The following CUX2 variants were observed in gnomAD, a reference collection of about 807,000 sequenced individuals.
The protein encoded by CUX2 is cut like homeobox 2, also known as homeobox protein cut-like 2.
CUX2 carries 40 observed loss-of-function variants against 144.8 expected under a neutral mutation model. The observed-to-expected ratio is 0.28, with a 90% confidence interval of 0.21 to 0.36. The LOEUF (loss-of-function observed/expected upper bound fraction) is 0.36. Among genes scored for constraint, CUX2 ranks in the 10% least tolerant of loss-of-function variants. The pLI is 1.00. For missense variants in CUX2, 1,615 were observed against 1,994.0 expected (o/e 0.81, Z 3.62); for synonymous variants, 827 against 875.6 (o/e 0.94, Z 0.98).
chr12:111,147,370 C>A (rs1414551157), intron 1 of CUX2, among the ~76,000 whole-genome samples: 2 of 152,150 alleles, frequency 1.3e-5, no homozygotes, highest in Non-Finnish European at 2.9e-5. Flanking sequence ...CAGAGCAATA[C>A]AAAATAACCT....
chr12:111,057,380 G>C lies in CUX2; in HGVS notation c.63+23140G>C, dbSNP rs1027154392. ...ACGGCTATGTGAGTGGAGTGGAGTG[G>C]GTGTGACAGGAAGTGGCCACTGGAG... is the stretch of plus-strand genomic sequence containing the variant. On this transcript the variant is annotated intron_variant, in intron 1 of 21. Transcript: ENST00000261726. This position sits in a 1 kb window ranked among gnomAD's most constrained non-coding sequence, Gnocchi z 5.1. Among the ~76,000 whole-genome samples, 1 of 151,578 alleles carries C rather than the reference G, an allele frequency of 6.6e-6. No individual in the cohort carries two copies. Among genetic ancestry groups the C allele is most frequent in the Non-Finnish European group, 1.5e-5 (1 of 67,858 alleles).
intron 1 of CUX2, among the ~76,000 whole-genome samples, chr12:111,161,632 C>T (rs1269855000): frequency 6.6e-6 from 1 of 152,208 alleles, no homozygotes; most frequent in African/African-American, 2.4e-5. Flanking sequence ...AGTAGTTGCA[C>T]AGCAGTATGG....
Position 111,334,611 on chromosome 12 carries a change from G to A in CUX2, c.3097G>A (p.Ala1033Thr), listed in dbSNP as rs1272200933. ...LSGKMYSGSQ[A>T]PGGIQEIVAM... ...CGGGAAGATGTACTCAGGCAGCCAGGCCCCAGGGGGCATCCAGGAGATCGT... is the reference window on the plus strand; with the variant it reads ...CGGGAAGATGTACTCAGGCAGCCAGACCCCAGGGGGCATCCAGGAGATCGT... The change falls in exon 19 of 22, where the codon GCC (alanine) becomes ACC (threonine). Residue 1033 changes from alanine (A) to threonine (T), a missense_variant. Coordinates refer to ENST00000261726, the MANE Select transcript of CUX2 (RefSeq NM_015267.4). 6.2e-7 allele frequency: 1 copy of A among 1,614,044 alleles called. No homozygotes were observed.
intron 1 of CUX2, among the ~76,000 whole-genome samples, chr12:111,104,570 C>G (rs1418407184): frequency 6.6e-6 from 1 of 152,232 alleles, no homozygotes; most frequent in Non-Finnish European, 1.5e-5. Flanking sequence ...TGATGCAGGG[C>G]AAGTTGCTTT....
chr12:111,067,466 T>C (rs927955581), intron 1 of CUX2, among the ~76,000 whole-genome samples: 2 of 152,334 alleles, frequency 1.3e-5, no homozygotes, highest in African/African-American at 2.4e-5. Context: ...GAGTCCTGAT[T>C]TGAATCATCC....
At chr12:111,056,989 G>T (rs1381828056) in intron 1 of CUX2, among the ~76,000 whole-genome samples, 1 of 151,618 alleles carries the variant, frequency 6.6e-6, no homozygotes, top group South Asian at 2.1e-4. Context: ...GGGACAGAGT[G>T]TAACAAGCGG....
At chr12:111,330,710 T>TACATACATATAC (rs1257830853) in intron 18 of CUX2, among the ~76,000 whole-genome samples, 1 of 23,836 alleles carries the variant, frequency 4.2e-5, no homozygotes, top group African/African-American at 1.8e-4. Context: ...TATATATATA[T>TACATACATATAC]ATATATATAT....
Position 111,049,244 on chromosome 12 carries a change from C to G in CUX2, c.63+15004C>G, listed in dbSNP as rs1190552000. Among the ~76,000 whole-genome samples, 3 of 151,790 alleles carry G rather than the reference C, an allele frequency of 2.0e-5. No homozygotes were observed. The East Asian group carries it at 5.8e-4, about 29-fold the overall frequency. ...ATCCATCCATCCATCCACCCATCCA[C>G]GAATTCCTCCACCCATCCACCCACC... On this transcript the variant is annotated intron_variant, in intron 1 of 21. Coordinates refer to ENST00000261726, the MANE Select transcript of CUX2 (RefSeq NM_015267.4).
chr12:111,230,211 G>A (rs1216601423), intron 3 of CUX2, among the ~76,000 whole-genome samples: 1 of 144,556 alleles, frequency 6.9e-6, no homozygotes, highest in African/African-American at 2.5e-5. Context: ...GGGGAGGGGA[G>A]GAACGGGGAG....
At chr12:111,242,739 G>A (rs1347082257) in intron 3 of CUX2, among the ~76,000 whole-genome samples, 1 of 152,120 alleles carries the variant, frequency 6.6e-6, no homozygotes, top group Non-Finnish European at 1.5e-5. Context: ...GCTTGAACCT[G>A]GGAGGCAGAG....
At chr12:111,247,215 G>T (rs1883319388) in intron 3 of CUX2, among the ~76,000 whole-genome samples, 1 of 152,334 alleles carries the variant, frequency 6.6e-6, no homozygotes, top group Admixed American at 6.5e-5. Flanking sequence ...CACGTGGAAA[G>T]TTAGGCAGCA....
At chr12:111,172,643 C>T (rs979462135) in intron 1 of CUX2, among the ~76,000 whole-genome samples, 4 of 152,188 alleles carry the variant, frequency 2.6e-5, no homozygotes, top group African/African-American at 7.2e-5. Context: ...CTCCGAACCT[C>T]GAGCTGTCTG....
intron 18 of CUX2, among the ~76,000 whole-genome samples, chr12:111,330,676 AATACAT>A (rs1565925959): frequency 3.8e-5 from 3 of 79,190 alleles, no homozygotes; most frequent in South Asian, 5.0e-4. Context: ...TCTATTTAAA[AATACAT>A]ATACATATAT....
At chr12:111,116,482 A>G (rs1033697251) in intron 1 of CUX2, among the ~76,000 whole-genome samples, 1 of 152,202 alleles carries the variant, frequency 6.6e-6, no homozygotes, top group Admixed American at 6.5e-5. Flanking sequence ...CCAAGTCAAT[A>G]TATAGGCCCT....
At chr12:111,204,741 G>A (rs1318878715) in intron 1 of CUX2, among the ~76,000 whole-genome samples, 1 of 152,146 alleles carries the variant, frequency 6.6e-6, no homozygotes, top group Non-Finnish European at 1.5e-5. Context: ...GATGCCACTG[G>A]GAGAGGGAAA....
chr12:111,036,368 T>A (rs1231737130), intron 1 of CUX2, among the ~76,000 whole-genome samples: 2 of 152,200 alleles, frequency 1.3e-5, no homozygotes, highest in East Asian at 3.9e-4. Flanking sequence ...CCCAGGGGGC[T>A]AATGTCTGAA....
chr12:111,117,703 A>T (rs1171583210), intron 1 of CUX2, among the ~76,000 whole-genome samples: 1 of 152,214 alleles, frequency 6.6e-6, no homozygotes, highest in Non-Finnish European at 1.5e-5. Flanking sequence ...CCTACAGAGC[A>T]CTTTTAACCC....
chr12:111,322,606 G>A lies in CUX2; in HGVS notation c.2926+26G>A, dbSNP rs755486610. ...GTGAGTGCGGGCAGGAGCATCTCAG[G>A]GGGTGCTGGCAAACTTCCCACCTGC... On this transcript the variant is annotated intron_variant, in intron 18 of 21. Coordinates refer to ENST00000261726, the MANE Select transcript of CUX2 (RefSeq NM_015267.4). The surrounding 1 kb of genome is among the most constrained non-coding windows in gnomAD (Gnocchi z 4.2). The A allele has an allele frequency of 1.3e-6, 2 of 1,599,332 alleles. No individual in the cohort carries two copies. Among genetic ancestry groups the A allele is most frequent in the South Asian group, 1.1e-5 (1 of 89,862 alleles).
At chr12:111,104,673 G>A (rs2136073901) in intron 1 of CUX2, among the ~76,000 whole-genome samples, 1 of 152,344 alleles carries the variant, frequency 6.6e-6, no homozygotes, top group African/African-American at 2.4e-5. Flanking sequence ...TGGACTGCTG[G>A]CCATTATCTT....
Sources: allele counts gnomAD v4.1 joint callset (sites outside exome capture counted in the v4.1 genomes callset), GRCh38; gene constraint gnomAD v4.1.1; non-coding constraint Gnocchi (gnomAD v3.1); transcripts MANE v1.5; gene names NCBI Gene and HGNC (gene_info 2026-07-23, HGNC 2026-07-21).